Variants in USP31 observed in about 807,000 individuals in gnomAD.
USP31 encodes the protein ubiquitin carboxyl-terminal hydrolase 31.
Under a neutral mutation model 119.4 loss-of-function variants are expected in USP31, and 44 were observed. The ratio of observed to expected loss-of-function variants is 0.37; its 90% CI spans 0.29 to 0.47. USP31 has a LOEUF of 0.47. Among genes scored for constraint, USP31 ranks in the 20% least tolerant of loss-of-function variants. USP31 has a pLI of 0.99. For missense variants in USP31, 1,643 were observed against 1,730.2 expected, an observed-to-expected ratio of 0.95 and a Z score of 0.89; for synonymous variants, 749 against 705.6, an observed-to-expected ratio of 1.06 and a Z score of -0.97.
At position 23,066,598 on chromosome 16, in the gene USP31, T is replaced by C. The variant is rs931283206; in HGVS notation, c.*1448A>G. On this transcript the variant is annotated 3_prime_UTR_variant, in exon 16 of 16. Coordinates refer to ENST00000219689, the MANE Select transcript of USP31 (RefSeq NM_020718.4). ...AAGCACATAAACTTAGCATGCTGTA[T>C]TTACTGGCAAAGTGACAAATGCTAT... 6.6e-6 allele frequency: 1 copy of C among 152,078 alleles called. No individual in the cohort carries two copies. The highest frequency in any genetic ancestry group is 6.5e-5 in the Admixed American group (1 of 15,280). 9.4% of individuals were successfully genotyped at this position (152,078 alleles called of 1,614,324 possible). A position where few individuals can be genotyped will look rare whatever the true frequency, so the allele number is the denominator to read the frequency against.
intron 1 of USP31, among the ~76,000 whole-genome samples, chr16:23,111,955 T>C (rs140670840): frequency 3.9e-4 from 59 of 152,312 alleles, no homozygotes; most frequent in East Asian, 3.3e-3. Flanking sequence ...CACAATCTGA[T>C]GATCAGTTTG....
At chr16:23,144,984 G>C (rs1382740833) in intron 1 of USP31, among the ~76,000 whole-genome samples, 2 of 152,110 alleles carry the variant, frequency 1.3e-5, no homozygotes, top group African/African-American at 4.8e-5. Context: ...AACCAGCATA[G>C]CTCACGAAGC....
intron 1 of USP31, among the ~76,000 whole-genome samples, chr16:23,126,270 G>T (rs1309999580): frequency 1.3e-5 from 2 of 148,324 alleles, no homozygotes; most frequent in Non-Finnish European, 3.0e-5. Context: ...GCAGTAAGCT[G>T]TGATCGCACC....
At chr16:23,097,307 C>T (rs1901655560) in intron 6 of USP31, among the ~76,000 whole-genome samples, 1 of 152,182 alleles carries the variant, frequency 6.6e-6, no homozygotes, top group African/African-American at 2.4e-5. Context: ...AGCTGAATCT[C>T]TGAATAGACC....
chr16:23,082,630 A>G (rs1900883143), intron 11 of USP31, 73 bp from the exon 12 acceptor site: 16 of 1,595,378 alleles, frequency 1.0e-5, no homozygotes, highest in Non-Finnish European at 1.4e-5. Flanking sequence ...CTAATGCCTT[A>G]GCCAGGGCAT....
rs957423120 is a variant in USP31, at chr16:23,065,305, A to C, written c.*2741T>G. The C allele has an allele frequency of 2.0e-5, 3 of 151,472 alleles. No individual in the cohort carries two copies. Among genetic ancestry groups the C allele is most frequent in the African/African-American group, 7.3e-5 (3 of 41,224 alleles). The allele number at this position is 151,472 out of a possible 1,614,324, so 9.4% of individuals were successfully genotyped here. A position where few individuals can be genotyped will look rare whatever the true frequency, so the allele number is the denominator to read the frequency against. On this transcript the variant is annotated 3_prime_UTR_variant, in exon 16 of 16. Transcript: ENST00000219689. ...AAGCACATACACGCTCATTGTGCTAAATATTGCTGGGAAAATTAAAAAAAA... is the reference window on the plus strand; with the variant it reads ...AAGCACATACACGCTCATTGTGCTACATATTGCTGGGAAAATTAAAAAAAA...
chr16:23,068,533 C>A lies in USP31; in HGVS notation c.3572G>T (p.Gly1191Val). 1 of 1,613,884 alleles carries A rather than the reference C, an allele frequency of 6.2e-7. No homozygotes were observed. Among genetic ancestry groups the A allele is most frequent in the East Asian group, 2.2e-5 (1 of 44,856 alleles). Reference sequence around the variant, plus strand: ...GGAGCTCCGCACGTGCTTCCCGGCCCCCCTGCCCTCCCCTGCTCGGGCCTG... The same window carrying A: ...GGAGCTCCGCACGTGCTTCCCGGCCACCCTGCCCTCCCCTGCTCGGGCCTG... ...VSQARAGEGR[G>V]AGKHVRSSSM... is the part of the protein sequence containing the mutation. Residue 1191 changes from glycine to valine, a missense_variant, in exon 16 of 16, where the codon GGG (glycine) becomes GTG (valine). Transcript: ENST00000219689.
In USP31 at chr16:23,068,749, G is replaced by A. The variant is rs758493677; in HGVS notation, c.3356C>T (p.Ser1119Leu). 8.8e-6 allele frequency: 14 copies of A among 1,591,374 alleles called. No homozygotes were observed. Among genetic ancestry groups the A allele is most frequent in the East Asian group, 4.5e-5 (2 of 44,692 alleles). The change falls in exon 16 of 16, where the codon TCG (serine) becomes TTG (leucine). Residue 1119 changes from serine (S) to leucine (L), a missense_variant. Ser to Leu is a moderately radical substitution (Grantham distance 145). Coordinates refer to ENST00000219689, the MANE Select transcript of USP31 (RefSeq NM_020718.4). ...SPSPQKQKSA[S>L]ALTYTASSTS... ...GGAGGAAGCAGTGTAGGTGAGGGCC[G>A]AGGCTGACTTCTGCTTCTGTGGCGA...
At chr16:23,090,845 T>A in intron 6 of USP31, 41 bp from the exon 7 acceptor site, 1 of 1,423,246 alleles carries the variant, frequency 7.0e-7, no homozygotes, top group Non-Finnish European at 9.3e-7. Context: ...CTCTTCAAAA[T>A]TATTTTTATT....
chr16:23,134,442 A>C (rs376377289), intron 1 of USP31, among the ~76,000 whole-genome samples: 2 of 152,210 alleles, frequency 1.3e-5, no homozygotes, highest in Non-Finnish European at 2.9e-5. Flanking sequence ...CTTATGAAAC[A>C]GATATACTCT....
intron 1 of USP31, among the ~76,000 whole-genome samples, chr16:23,112,241 T>C (rs1422276016): frequency 2.0e-5 from 3 of 152,152 alleles, no homozygotes; most frequent in African/African-American, 7.2e-5. Context: ...CAAATTCAAG[T>C]GCTTTTTTCT....
chr16:23,121,341 C>A (rs545389857), intron 1 of USP31, among the ~76,000 whole-genome samples: 23 of 152,310 alleles, frequency 1.5e-4, no homozygotes, highest in African/African-American at 4.8e-4. Flanking sequence ...CCCATTCTTT[C>A]AATCCTGGAC....
intron 6 of USP31, among the ~76,000 whole-genome samples, chr16:23,100,122 C>T (rs1325371140): frequency 2.0e-5 from 3 of 152,112 alleles, no homozygotes; most frequent in African/African-American, 4.8e-5. Context: ...TCTGTAAGTA[C>T]CCCAAATGAT....
chr16:23,083,910 T>C (rs1900968490), intron 11 of USP31, among the ~76,000 whole-genome samples: 1 of 152,140 alleles, frequency 6.6e-6, no homozygotes, highest in Non-Finnish European at 1.5e-5. Context: ...TAGTAACCAG[T>C]GGACATATTT....
intron 1 of USP31, among the ~76,000 whole-genome samples, chr16:23,138,959 G>A (rs541786271): frequency 3.3e-5 from 5 of 152,224 alleles, no homozygotes; most frequent in Admixed American, 3.3e-4. Context: ...AATTCCTTGA[G>A]GGCATGGGCC....
intron 1 of USP31, among the ~76,000 whole-genome samples, chr16:23,126,702 T>C (rs1287253623): frequency 6.6e-6 from 1 of 151,608 alleles, no homozygotes; most frequent in Non-Finnish European, 1.5e-5. Context: ...TCTCCAACTA[T>C]AAAACAGAAA....
rs565453777 is a variant in USP31 at position 23,081,653 on chromosome 16, C to A, written c.1950+785G>T. Among the ~76,000 whole-genome samples, 18 of 152,356 alleles carry A rather than the reference C, an allele frequency of 1.2e-4. No individual in the cohort carries two copies. In the South Asian group the frequency reaches 3.3e-3, roughly 28 times the overall value. ...GGTTGCTTCTCTGCTTATAACCCTTCATCGGAATCCTACTCCGCCCCCAAA... is the reference window on the plus strand; with the variant it reads ...GGTTGCTTCTCTGCTTATAACCCTTAATCGGAATCCTACTCCGCCCCCAAA... On this transcript the variant is annotated intron_variant, in intron 12 of 15. Transcript: ENST00000219689.
At position 23,069,214 on chromosome 16, in the gene USP31, T is replaced by C. The variant is rs1440341090; in HGVS notation, c.2891A>G (p.Asp964Gly). 1.9e-6 allele frequency: 3 copies of C among 1,614,236 alleles called. No individual in the cohort carries two copies. The highest frequency in any genetic ancestry group is 2.2e-5 in the East Asian group (1 of 44,884). Residue 964 changes from aspartate (D) to glycine (G), a missense_variant, in exon 16 of 16, where the codon GAT (aspartate) becomes GGT (glycine). Physicochemically the swap from Asp to Gly is moderately conservative, Grantham distance 94. Coordinates refer to ENST00000219689, the MANE Select transcript of USP31 (RefSeq NM_020718.4). ...TTGTGCTGAATGTTTGCTCTGTGTA[T>C]CTACGACACTGGAGTTCAATCTGCG... The part of the protein sequence containing the change: ...DTRRLNSSVV[D>G]TQSKHSAQGD...
Position 23,066,698 on chromosome 16 carries a change from T to G in USP31, c.*1348A>C, listed in dbSNP as rs1441200269. 1 of 152,130 alleles carries G rather than the reference T, an allele frequency of 6.6e-6. No individual in the cohort carries two copies. The highest frequency in any genetic ancestry group is 2.4e-5 in the African/African-American group (1 of 41,436). The allele number at this position is 152,130 out of a possible 1,614,324, so 9.4% of individuals were successfully genotyped here. A position where few individuals can be genotyped will look rare whatever the true frequency, so the allele number is the denominator to read the frequency against. On this transcript the variant is annotated 3_prime_UTR_variant, in exon 16 of 16. Coordinates refer to ENST00000219689, the MANE Select transcript of USP31 (RefSeq NM_020718.4). ...AAGCTAAAAATTGAGCAGGAAAGTA[T>G]TGCCAGGAGACCTTGAAAAAGCTTG...
Sources: gnomAD v4.1 joint callset for allele counts (sites outside exome capture counted in the v4.1 genomes callset) on GRCh38, gnomAD v4.1.1 for gene constraint, MANE v1.5 for transcripts, NCBI Gene and HGNC (gene_info 2026-07-23, HGNC 2026-07-21) for gene names.